The following PSD variants were observed in gnomAD, a reference collection of about 807,000 sequenced individuals.
The protein encoded by PSD is PH and SEC7 domain-containing protein 1.
In PSD, 32 loss-of-function variants were observed where a neutral mutation model predicts 91.6. The observed-to-expected ratio is 0.35, with a 90% CI of 0.26 to 0.47. PSD has a LOEUF of 0.47. Ranked by LOEUF, PSD falls within the 20% of genes least tolerant of loss-of-function variation. The pLI is 1.00. For missense variants in PSD, 1,099 were observed against 1,373.9 expected, an observed-to-expected ratio of 0.80 and a Z score of 3.16; for synonymous variants, 532 against 569.3, an observed-to-expected ratio of 0.93 and a Z score of 0.93.
Position 102,403,354 on chromosome 10 carries a change from T to A in PSD, c.2921A>T (p.Glu974Val). The A allele has an allele frequency of 6.2e-7, 1 of 1,614,000 alleles. No individual in the cohort carries two copies. The highest frequency in any genetic ancestry group is 8.5e-7 in the Non-Finnish European group (1 of 1,179,992). Residue 974 changes from glutamate to valine, a missense_variant, in exon 17 of 17, where the codon GAG (glutamate) becomes GTG (valine). By Grantham distance (121) the Glu-to-Val change is moderately radical. Transcript: ENST00000020673. The surrounding 1 kb of genome is among the most constrained non-coding windows in gnomAD (Gnocchi z 6.7). ...KAGSEELDAV[E>V]AALAQAGSTE... Reference sequence around the variant, plus strand: ...GCTCCCGGCCTGGGCCAGTGCTGCCTCCACTGCATCCAGCTCCTCACTGCC... The same window carrying A: ...GCTCCCGGCCTGGGCCAGTGCTGCCACCACTGCATCCAGCTCCTCACTGCC...
At chr10:102,413,009 G>A (rs540073972) in intron 5 of PSD, among the ~76,000 whole-genome samples, 22 of 152,316 alleles carry the variant, frequency 1.4e-4, no homozygotes, top group African/African-American at 4.8e-4. Flanking sequence ...ATACTGGTCC[G>A]AAGGCTTTCC....
At chr10:102,412,014 C>G in intron 7 of PSD, 133 bp downstream of exon 7, 1 of 1,122,140 alleles carries the variant, frequency 8.9e-7, no homozygotes, top group South Asian at 1.3e-5. Context: ...TGGCCCTTGG[C>G]CATGCCCAGC....
At position 102,405,608 on chromosome 10, in the gene PSD, C is replaced by T. The variant is rs922189043; in HGVS notation, c.2136-72G>A. On this transcript the variant is annotated intron_variant, in intron 11 of 16. Transcript: ENST00000020673. This position sits in a 1 kb window ranked among gnomAD's most constrained non-coding sequence, Gnocchi z 5.4. ...CCCCGCTTCAGTTCTGGCCTCTGCTCGCCCTGGAAAAGCTCCCCCAGTGTT... is the reference window on the plus strand; with the variant it reads ...CCCCGCTTCAGTTCTGGCCTCTGCTTGCCCTGGAAAAGCTCCCCCAGTGTT... 27 of 1,446,074 alleles carry T rather than the reference C, an allele frequency of 1.9e-5. No individual in the cohort carries two copies. The highest frequency in any genetic ancestry group is 2.3e-5 in the Non-Finnish European group (25 of 1,075,156). 89.6% of individuals were successfully genotyped at this position (1,446,074 alleles called of 1,614,324 possible). A position where few individuals can be genotyped will look rare whatever the true frequency, so the allele number is the denominator to read the frequency against.
In PSD at chr10:102,413,926, G is replaced by C; in HGVS notation, c.1396C>G (p.Pro466Ala). 1 of 1,613,356 alleles carries C rather than the reference G, an allele frequency of 6.2e-7. No homozygotes were observed. The highest frequency in any genetic ancestry group is 1.1e-5 in the South Asian group (1 of 91,070). The change falls in exon 5 of 17, where the codon CCG becomes GCG. Residue 466 changes from proline (P) to alanine (A), a missense_variant. Physicochemically the swap from Pro to Ala is conservative, Grantham distance 27. This residue lies in a region of PSD where 631 missense variants were observed against 728.8 expected (regional missense o/e 0.87). Coordinates refer to ENST00000020673, the MANE Select transcript of PSD (RefSeq NM_002779.5). ...GCAGCAGAGCTGGTACCAGAATCCGGTTCAAGAGGGGCAAGTGGGGCGGGA... is the reference window on the plus strand; with the variant it reads ...GCAGCAGAGCTGGTACCAGAATCCGCTTCAAGAGGGGCAAGTGGGGCGGGA... The part of the protein sequence containing the change: ...PAPAPLAPLE[P>A]DSGTSSAADG...
At position 102,416,444 on chromosome 10, in the gene PSD, G is replaced by A; in HGVS notation, c.595C>T (p.Pro199Ser). Reference protein sequence around the residue: ...YSSLPNGLGGPPERLATLFGG... With the variant: ...YSSLPNGLGGSPERLATLFGG... ...AAGAGTGTGGCCAGGCGCTCAGGGG[G>A]GCCCCCCAGCCCATTGGGGAGAGAG... The change falls in exon 2 of 17, where the codon CCC becomes TCC. Residue 199 changes from proline (P) to serine (S), a missense_variant. Pro to Ser is a moderately conservative substitution (Grantham distance 74). Coordinates refer to ENST00000020673, the MANE Select transcript of PSD (RefSeq NM_002779.5). This position sits in a 1 kb window ranked among gnomAD's most constrained non-coding sequence, Gnocchi z 6.0. 1 of 1,612,464 alleles carries A rather than the reference G, an allele frequency of 6.2e-7. No homozygotes were observed. Among genetic ancestry groups the A allele is most frequent in the Non-Finnish European group, 8.5e-7 (1 of 1,179,352 alleles).
In PSD at chr10:102,404,157, G is replaced by A. The variant is rs867017404; in HGVS notation, c.2701-172C>T. Among the ~76,000 whole-genome samples the A allele has an allele frequency of 9.9e-5, 15 of 152,160 alleles. No individual in the cohort carries two copies. Among genetic ancestry groups the A allele is most frequent in the African/African-American group, 3.6e-4 (15 of 41,442 alleles). On this transcript the variant is annotated intron_variant, in intron 15 of 16. Transcript: ENST00000020673. The surrounding 1 kb of genome is among the most constrained non-coding windows in gnomAD (Gnocchi z 5.7). ...AGGTCAGGAGATCGAGACCATCCTG[G>A]CTAACACGGTGAAACCCCGTCTCTA... is the stretch of plus-strand genomic sequence containing the variant.
In PSD at chr10:102,414,371, C is replaced by G. The variant is rs1403922173; in HGVS notation, c.1125-174G>C. Among the ~76,000 whole-genome samples, 3 of 152,158 alleles carry G rather than the reference C, an allele frequency of 2.0e-5. No homozygotes were observed. The highest frequency in any genetic ancestry group is 4.4e-5 in the Non-Finnish European group (3 of 68,008). On this transcript the variant is annotated intron_variant, in intron 4 of 16. Transcript: ENST00000020673. This position sits in a 1 kb window ranked among gnomAD's most constrained non-coding sequence, Gnocchi z 5.6. ...AGGGCGCCAAGCTATTCAGTGCCCC[C>G]TGGGGCACACCAGCCCTACCAGTCC...
In PSD at chr10:102,414,247, G is replaced by A. The variant is rs766044626; in HGVS notation, c.1125-50C>T. ...ATTAGGGGCCCAGATCACAGGGCTG[G>A]GGCAGGATTTCACTGAACTCTCACA... On this transcript the variant is annotated intron_variant, in intron 4 of 16. Transcript: ENST00000020673. The surrounding 1 kb of genome is among the most constrained non-coding windows in gnomAD (Gnocchi z 5.6). 1.3e-6 allele frequency: 2 copies of A among 1,499,378 alleles called. No individual in the cohort carries two copies. The highest frequency in any genetic ancestry group is 1.8e-6 in the Non-Finnish European group (2 of 1,104,380). 92.9% of individuals were successfully genotyped at this position (1,499,378 alleles called of 1,614,324 possible).
chr10:102,403,042 C>T lies in PSD; in HGVS notation c.*158G>A. Reference sequence around the variant, plus strand: ...GTGCCCCTAGCCTAGGCTCCTGAGGCCCAGGCCCCAGCCCTGCCCTGCCCC... The same window carrying T: ...GTGCCCCTAGCCTAGGCTCCTGAGGTCCAGGCCCCAGCCCTGCCCTGCCCC... On this transcript the variant is annotated 3_prime_UTR_variant, in exon 17 of 17. Transcript: ENST00000020673. The surrounding 1 kb of genome is among the most constrained non-coding windows in gnomAD (Gnocchi z 6.7). 3.3e-6 allele frequency: 1 copy of T among 302,838 alleles called. No homozygotes were observed. The highest frequency in any genetic ancestry group is 5.6e-6 in the Non-Finnish European group (1 of 177,940). The allele number at this position is 302,838 out of a possible 1,614,324, so 18.8% of individuals were successfully genotyped here.
At chr10:102,412,724 T>A in intron 5 of PSD, 149 bp from the exon 6 acceptor site, 1 of 700,274 alleles carries the variant, frequency 1.4e-6, no homozygotes, top group East Asian at 2.7e-5. Context: ...GGAAGGAGAT[T>A]AGATTCTCTC....
chr10:102,416,103 G>T lies in PSD; in HGVS notation c.671C>A (p.Ser224Tyr), dbSNP rs768671841. ...GFLNQGDTWSSPREVSSHAQR... is the reference protein window; with the variant it reads ...GFLNQGDTWSYPREVSSHAQR... The stretch of plus-strand genomic sequence containing the variant: ...GGCATGAGAGGAGACTTCCCGGGGG[G>T]AGGACCAGGTATCCCCCTGAGCCAA... Residue 224 changes from serine to tyrosine, a missense_variant, in exon 3 of 17, where the codon TCC (serine) becomes TAC (tyrosine). By Grantham distance (144) the Ser-to-Tyr change is moderately radical. This residue lies in a region of PSD where 631 missense variants were observed against 728.8 expected (regional missense o/e 0.87). Transcript: ENST00000020673. The surrounding 1 kb of genome is among the most constrained non-coding windows in gnomAD (Gnocchi z 6.0). 1.2e-6 allele frequency: 2 copies of T among 1,613,412 alleles called. No homozygotes were observed. The highest frequency in any genetic ancestry group is 8.5e-7 in the Non-Finnish European group (1 of 1,179,694).
At chr10:102,419,033 C>A (rs1055016594), upstream of PSD, 1 of 309,590 alleles carries the variant, frequency 3.2e-6, no homozygotes, top group Non-Finnish European at 6.6e-6. The surrounding 1 kb of genome is among the most constrained non-coding windows in gnomAD (Gnocchi z 4.8). Context: ...CTTGTGTCCA[C>A]GTCTCTCTCG....
At position 102,411,695 on chromosome 10, in the gene PSD, G is replaced by C; in HGVS notation, c.1942+12C>G. The C allele has an allele frequency of 1.2e-6, 2 of 1,606,168 alleles. No homozygotes were observed. The highest frequency in any genetic ancestry group is 1.1e-5 in the South Asian group (1 of 90,038). On this transcript the variant is annotated intron_variant, in intron 8 of 16. Transcript: ENST00000020673. ...GCCAGCTAAGGACACCCCTGCTCTC[G>C]GAACTCCTCACCCTCTGAGGACAGG... is the stretch of plus-strand genomic sequence containing the variant.
chr10:102,404,535 C>G lies in PSD; in HGVS notation c.2700+48G>C. 6.3e-7 allele frequency: 1 copy of G among 1,589,726 alleles called. No individual in the cohort carries two copies. Among genetic ancestry groups the G allele is most frequent in the Non-Finnish European group, 8.6e-7 (1 of 1,168,480 alleles). ...AGCCTTGAGTGCAGTGGGCCTGAGC[C>G]TAACACCCTCCATCCCACTGGCACT... On this transcript the variant is annotated intron_variant, in intron 15 of 16. Transcript: ENST00000020673. The surrounding 1 kb of genome is among the most constrained non-coding windows in gnomAD (Gnocchi z 5.7).
chr10:102,409,792 T>C lies in PSD; in HGVS notation c.2091+1066A>G, dbSNP rs903625896. ...TGGACACTTCAAAACTTAGAATCTT[T>C]AGCTCACAAAGATACACCCCCTACT... is the stretch of plus-strand genomic sequence containing the variant. On this transcript the variant is annotated intron_variant, in intron 10 of 16. Transcript: ENST00000020673. This position sits in a 1 kb window ranked among gnomAD's most constrained non-coding sequence, Gnocchi z 5.7. Among the ~76,000 whole-genome samples the C allele has an allele frequency of 1.3e-5, 2 of 152,016 alleles. No individual in the cohort carries two copies. The highest frequency in any genetic ancestry group is 4.8e-5 in the African/African-American group (2 of 41,342).
chr10:102,407,390 G>A (rs191489960), intron 10 of PSD, 124 bp from the exon 11 acceptor site: 5 of 585,334 alleles, frequency 8.5e-6, no homozygotes, highest in South Asian at 4.2e-5. Context: ...AAGATATAAT[G>A]ACCAAAAATA....
chr10:102,412,552 A>G lies in PSD; in HGVS notation c.1577T>C (p.Val526Ala), dbSNP rs374038778. 6.2e-7 allele frequency: 1 copy of G among 1,613,192 alleles called. No individual in the cohort carries two copies. Among genetic ancestry groups the G allele is most frequent in the East Asian group, 2.2e-5 (1 of 44,856 alleles). The change falls in exon 6 of 17, where the codon GTG (valine) becomes GCG (alanine). Residue 526 changes from valine (V) to alanine (A), a missense_variant. This residue lies in a region of PSD where 631 missense variants were observed against 728.8 expected (regional missense o/e 0.87). Transcript: ENST00000020673. Reference sequence around the variant, plus strand: ...GTCCAGCTCTGAGTCTGAGTCGGACACCAGCTGGCTCAGGGGTGGTTCGCT... The same window carrying G: ...GTCCAGCTCTGAGTCTGAGTCGGACGCCAGCTGGCTCAGGGGTGGTTCGCT... ...LGSEPPLSQL[V>A]SDSDSELDST... is the part of the protein sequence containing the mutation.
chr10:102,410,627 C>T lies in PSD; in HGVS notation c.2091+231G>A, dbSNP rs1027713736. On this transcript the variant is annotated intron_variant, in intron 10 of 16. Coordinates refer to ENST00000020673, the MANE Select transcript of PSD (RefSeq NM_002779.5). This position sits in a 1 kb window ranked among gnomAD's most constrained non-coding sequence, Gnocchi z 6.0. The stretch of plus-strand genomic sequence containing the variant: ...GTTTTCCAGAGCCGGGTCCCCTCCC[C>T]CGCCGTGCGCAGTCGCGACCGCACG... Among the ~76,000 whole-genome samples the T allele has an allele frequency of 6.6e-6, 1 of 152,222 alleles. No homozygotes were observed. The highest frequency in any genetic ancestry group is 2.4e-5 in the African/African-American group (1 of 41,460).
intron 5 of PSD, 80 bp downstream of exon 5, chr10:102,413,689 C>A (rs2061445784): frequency 4.3e-6 from 6 of 1,400,146 alleles, no homozygotes; most frequent in Middle Eastern, 1.8e-4. Context: ...CCAATCCTCA[C>A]ACTCAGGATC....
Sources: gnomAD v4.1 joint callset for allele counts (sites outside exome capture counted in the v4.1 genomes callset) on GRCh38, gnomAD v4.1.1 for gene constraint, gnomAD v4.1.1 regional missense constraint, Gnocchi (gnomAD v3.1) non-coding constraint, MANE v1.5 for transcripts, NCBI Gene and HGNC (gene_info 2026-07-23, HGNC 2026-07-21) for gene names.